MGRN1: variants seen among roughly 807,000 people sequenced by gnomAD.
The protein encoded by MGRN1 is mahogunin ring finger 1, also known as E3 ubiquitin-protein ligase MGRN1.
Under a neutral mutation model 69.2 loss-of-function variants are expected in MGRN1, and 29 were observed. The observed-to-expected ratio is 0.42, with a 90% CI of 0.31 to 0.57. The LOEUF (loss-of-function observed/expected upper bound fraction) is 0.57. MGRN1 is among the 20% of genes least tolerant of loss of function. The pLI is 0.15. For missense variants in MGRN1, 998 were observed against 796.2 expected, an observed-to-expected ratio of 1.25 and a Z score of -3.05; for synonymous variants, 470 against 344.2, an observed-to-expected ratio of 1.37 and a Z score of -4.04.
chr16:4,656,948 A>G (rs2078557833), intron 4 of MGRN1, among the ~76,000 whole-genome samples: 1 of 152,196 alleles, frequency 6.6e-6, no homozygotes, highest in Non-Finnish European at 1.5e-5. Flanking sequence ...CTTAGCACCG[A>G]TGGAAAGGAA....
intron 1 of MGRN1, among the ~76,000 whole-genome samples, chr16:4,639,259 T>C (rs1437739179): frequency 6.6e-6 from 1 of 151,314 alleles, no homozygotes; most frequent in African/African-American, 2.4e-5. Context: ...AAAGCAGCAG[T>C]GACACTATGA....
At chr16:4,641,396 A>G (rs930951476) in intron 1 of MGRN1, among the ~76,000 whole-genome samples, 1 of 146,552 alleles carries the variant, frequency 6.8e-6, no homozygotes. Flanking sequence ...GCTGGAGTGC[A>G]GTGGCCCAGG....
chr16:4,655,844 TCAGA>T (rs1266389010), intron 4 of MGRN1, among the ~76,000 whole-genome samples: 4 of 152,244 alleles, frequency 2.6e-5, no homozygotes, highest in Non-Finnish European at 2.9e-5. Context: ...AAACTGAGGC[TCAGA>T]CAGAGGGGTG....
intron 14 of MGRN1, 38 bp from the exon 15 acceptor site, chr16:4,683,186 T>C: frequency 6.2e-7 from 1 of 1,611,284 alleles, no homozygotes; most frequent in Non-Finnish European, 8.5e-7. Flanking sequence ...TGGCCGCGGC[T>C]CTCTGAGCTC....
At chr16:4,659,451 G>A (rs2078626646) in intron 5 of MGRN1, among the ~76,000 whole-genome samples, 1 of 152,208 alleles carries the variant, frequency 6.6e-6, no homozygotes, top group Admixed American at 6.5e-5. Flanking sequence ...AGGTGAGGTG[G>A]CCGGGGTAGG....
intron 11 of MGRN1, among the ~76,000 whole-genome samples, chr16:4,678,812 C>T (rs1380307668): frequency 1.3e-5 from 2 of 152,266 alleles, no homozygotes; most frequent in African/African-American, 4.8e-5. Context: ...GAGCAGAGCC[C>T]TGAGGACTGG....
intron 1 of MGRN1, among the ~76,000 whole-genome samples, chr16:4,642,603 C>T (rs571906774): frequency 7.9e-4 from 119 of 151,004 alleles, no homozygotes; most frequent in African/African-American, 2.5e-3. Context: ...GGATTACAGG[C>T]GTGAGCCACC....
At chr16:4,652,146 G>A in intron 3 of MGRN1, 95 bp downstream of exon 3, 1 of 1,267,306 alleles carries the variant, frequency 7.9e-7, no homozygotes, top group East Asian at 2.5e-5. Flanking sequence ...GGGCAGGCGG[G>A]AGGGGCCCCA....
rs79613493 is a variant in MGRN1 at position 4,644,305 on chromosome 16, G to GTT, written c.89-6040_89-6039dup. Reference sequence around the variant, plus strand: ...CCGTGCTTGGACCCCTCAATTACCAGTTTTTTTTTTTTTTTTTTTTTGATG... The same window carrying GTT: ...CCGTGCTTGGACCCCTCAATTACCAGTTTTTTTTTTTTTTTTTTTTTTTGATG... On this transcript the variant is annotated intron_variant, in intron 1 of 16. Coordinates refer to ENST00000262370, the MANE Select transcript of MGRN1 (RefSeq NM_015246.4). Among the ~76,000 whole-genome samples, 544 of 107,580 alleles carry GTT rather than the reference G, an allele frequency of 5.1e-3. 14 individuals carry two copies. The highest frequency in any genetic ancestry group is 0.016 in the African/African-American group (425 of 26,530). 70.6% of individuals were successfully genotyped at this position (107,580 alleles called of 152,430 possible).
At position 4,688,612 on chromosome 16, in the gene MGRN1, GCA is replaced by G. The variant is rs886879052; in HGVS notation, c.1619-181_1619-180del. The G allele has an allele frequency of 7.4e-5, 101 of 1,366,324 alleles. No individual in the cohort carries two copies. In the African/African-American group the frequency reaches 9.1e-4, roughly 12 times the overall value. 84.6% of individuals were successfully genotyped at this position (1,366,324 alleles called of 1,614,324 possible). A position where few individuals can be genotyped will look rare whatever the true frequency, so the allele number is the denominator to read the frequency against. On this transcript the variant is annotated intron_variant, in intron 16 of 16. Transcript: ENST00000262370. ...TCCCAAGAGGGACACAGCGTATTTG[GCA>G]CAGTTAGGGAGTCCCCGGGCCCTTG...
chr16:4,636,330 T>C (rs889516376), intron 1 of MGRN1, among the ~76,000 whole-genome samples: 3 of 151,832 alleles, frequency 2.0e-5, no homozygotes, highest in Non-Finnish European at 1.5e-5. Context: ...AAGGAGGCGC[T>C]CTTCTTGCTC....
chr16:4,681,772 G>C lies in MGRN1; in HGVS notation c.1354G>C (p.Asp452His). ...GGGCAGGCCGCAGAGCAAGGCCCCC[G>C]ACAGGTGAGCAGCAGCCAGGCCAGG... The part of the protein sequence containing the change: ...QKGRPQSKAP[D>H]STLRSPSSPI... Residue 452 changes from aspartate to histidine, a missense_variant, in exon 13 of 17, where the codon GAC becomes CAC. Physicochemically the swap from Asp to His is moderately conservative, Grantham distance 81. Transcript: ENST00000262370. 4 of 1,610,282 alleles carry C rather than the reference G, an allele frequency of 2.5e-6. No individual in the cohort carries two copies. The highest frequency in any genetic ancestry group is 2.5e-6 in the Non-Finnish European group (3 of 1,178,678).
At chr16:4,642,500 G>GTGTGTGTGTGTGT (rs925961228) in intron 1 of MGRN1, among the ~76,000 whole-genome samples, 1 of 150,188 alleles carries the variant, frequency 6.7e-6, no homozygotes, top group African/African-American at 2.4e-5. Context: ...GTGTGTGTGT[G>GTGTGTGTGTGTGT]TTTTTAGTAG....
intron 16 of MGRN1, chr16:4,688,300 C>T (rs1567249176): frequency 7.1e-6 from 7 of 986,848 alleles, no homozygotes; most frequent in Non-Finnish European, 8.4e-6. Context: ...GGCATTGGGG[C>T]TCTGTGGGAG....
At chr16:4,635,939 C>T (rs1326829027) in intron 1 of MGRN1, among the ~76,000 whole-genome samples, 2 of 150,394 alleles carry the variant, frequency 1.3e-5, no homozygotes, top group African/African-American at 4.9e-5. Flanking sequence ...GACTACCGTG[C>T]CCGGCCTCAG....
chr16:4,665,043 G>A, intron 6 of MGRN1, 59 bp from the exon 7 acceptor site: 1 of 1,596,838 alleles, frequency 6.3e-7, no homozygotes, highest in Non-Finnish European at 8.6e-7. Context: ...TCGGGGAGGT[G>A]AGATGCCTGG....
At chr16:4,633,076 C>G (rs912249432) in intron 1 of MGRN1, among the ~76,000 whole-genome samples, 1 of 151,484 alleles carries the variant, frequency 6.6e-6, no homozygotes, top group Non-Finnish European at 1.5e-5. Context: ...GAGTGAGACT[C>G]TGTCTCTAAA....
rs1038004874 is a variant in MGRN1 at position 4,681,487 on chromosome 16, A to G, written c.1132-63A>G. 5.4e-6 allele frequency: 8 copies of G among 1,480,046 alleles called. 1 individual carries two copies. In the South Asian group the frequency reaches 6.2e-5, roughly 11 times the overall value. 91.7% of individuals were successfully genotyped at this position (1,480,046 alleles called of 1,614,324 possible). ...ACAGAGTGGACAGGAGGTCATCAGG[A>G]GGAGCGTCTGGGGAGCAGGTGGTCC... On this transcript the variant is annotated intron_variant, in intron 12 of 16. Coordinates refer to ENST00000262370, the MANE Select transcript of MGRN1 (RefSeq NM_015246.4).
At chr16:4,687,105 C>T (rs1214187830) in intron 16 of MGRN1, 2 of 985,342 alleles carry the variant, frequency 2.0e-6, no homozygotes, top group East Asian at 1.1e-4. Flanking sequence ...GCCTTTGTGC[C>T]ATGAGCCCAC....
Sources: allele counts gnomAD v4.1 joint callset (sites outside exome capture counted in the v4.1 genomes callset), GRCh38; gene constraint gnomAD v4.1.1; transcripts MANE v1.5; gene names NCBI Gene and HGNC (gene_info 2026-07-23, HGNC 2026-07-21).